DOK4: variants seen among roughly 807,000 people sequenced by gnomAD.
The protein encoded by DOK4 is downstream of tyrosine kinase 4.
Under a neutral mutation model 40.1 loss-of-function variants are expected in DOK4, and 26 were observed. That is an observed-to-expected ratio of 0.65 (90% CI 0.48 to 0.90). DOK4 has a LOEUF of 0.90. Among genes scored for constraint, DOK4 ranks in the 40% least tolerant of loss-of-function variants. The pLI, the probability that DOK4 is intolerant of heterozygous loss-of-function variation, is 0.00. For missense variants in DOK4, 392 were observed against 437.2 expected (o/e 0.90, Z 0.92); for synonymous variants, 179 against 177.0 (o/e 1.01, Z -0.09).
intron 2 of DOK4, among the ~76,000 whole-genome samples, chr16:57,478,098 C>T (rs778971758): frequency 6.6e-6 from 1 of 152,222 alleles, no homozygotes; most frequent in Non-Finnish European, 1.5e-5. Flanking sequence ...ATGTTAGAAG[C>T]GAAGCCTCTG....
At chr16:57,475,736 C>CTT (rs2146634410) in intron 3 of DOK4, 114 bp downstream of exon 3, 1 of 681,588 alleles carries the variant, frequency 1.5e-6, no homozygotes, top group African/African-American at 1.9e-5. Flanking sequence ...CTCTCTCCTC[C>CTT]TCTCCCTCTC....
At chr16:57,474,648 T>G in intron 6 of DOK4, 145 bp downstream of exon 6, 1 of 1,046,308 alleles carries the variant, frequency 9.6e-7, no homozygotes, top group African/African-American at 1.6e-5. Context: ...CATTTCTTCG[T>G]CTGTAAAATG....
chr16:57,475,660 ATCTCTCTCTC>A (rs745508207), intron 3 of DOK4, 40 bp from the exon 4 acceptor site: 1,992 of 475,804 alleles, frequency 4.2e-3, no homozygotes, highest in African/African-American at 0.011. Flanking sequence ...AGGCCAGTGC[ATCTCTCTCTC>A]TCTCTCTCTC....
At chr16:57,476,442 C>G (rs1322445318) in intron 2 of DOK4, 3 of 160,688 alleles carry the variant, frequency 1.9e-5, no homozygotes, top group African/African-American at 7.2e-5. Context: ...CCCTCACAGC[C>G]CACTGCAGGA....
At chr16:57,486,744 C>T (rs1181083645), upstream of DOK4, among the ~76,000 whole-genome samples, 1 of 151,804 alleles carries the variant, frequency 6.6e-6, no homozygotes. Context: ...CCAGCCCCCA[C>T]ATCTCAACCC....
intron 6 of DOK4, 190 bp downstream of exon 6, chr16:57,474,603 T>G: frequency 1.4e-6 from 1 of 725,364 alleles, no homozygotes; most frequent in Non-Finnish European, 2.2e-6. Context: ...TTGACCTGCA[T>G]GCTGTGGGCA....
intron 1 of DOK4, among the ~76,000 whole-genome samples, chr16:57,482,742 C>T (rs2031452042): frequency 6.6e-6 from 1 of 152,182 alleles, no homozygotes; most frequent in Admixed American, 6.5e-5. Context: ...AAGGCTCGGC[C>T]TCCCTGAGTG....
rs73563319 is a variant in DOK4 at position 57,484,595 on chromosome 16, C to T, written c.-182+1710G>A. Among the ~76,000 whole-genome samples, 1,091 of 152,290 alleles carry T rather than the reference C, an allele frequency of 7.2e-3. 11 individuals are homozygous for T. Among genetic ancestry groups the T allele is most frequent in the African/African-American group, 0.024 (1,015 of 41,538 alleles). ...AGCCAGGAGAGTAATGCTGTGGCCC[C>T]GTACCACTCTGGTTCTCCTGGGTCC... On this transcript the variant is annotated intron_variant, in intron 1 of 8. Transcript: ENST00000340099.
rs1306688042 is a variant in DOK4 at position 57,475,689 on chromosome 16, TCTCTCTCC to T, written c.175-77_175-70del. The T allele has an allele frequency of 3.0e-5, 24 of 799,116 alleles. No individual in the cohort carries two copies. The African/African-American group carries it at 5.5e-4, about 18-fold the overall frequency. 49.5% of individuals were successfully genotyped at this position (799,116 alleles called of 1,614,324 possible). On this transcript the variant is annotated intron_variant, in intron 3 of 8. Coordinates refer to ENST00000340099, the Ensembl canonical transcript of DOK4. ...CTCTCTCTCTCTCTCTCTCTCTCTCTCTCTCTCCCTCCCTCCCTCTCTCCCCCCTCCTC... is the reference window on the plus strand; with the variant it reads ...CTCTCTCTCTCTCTCTCTCTCTCTCTCTCCCTCCCTCTCTCCCCCCTCCTC...
At chr16:57,480,705 A>C (rs1229175994) in intron 1 of DOK4, among the ~76,000 whole-genome samples, 1 of 152,146 alleles carries the variant, frequency 6.6e-6, no homozygotes. Context: ...TGGAGCAGGA[A>C]GTGGGAGTAC....
chr16:57,479,609 C>A lies in DOK4; in HGVS notation c.-102G>T. On this transcript the variant is annotated 5_prime_UTR_variant, in exon 2 of 9. Transcript: ENST00000340099. This position sits in a 1 kb window ranked among gnomAD's most constrained non-coding sequence, Gnocchi z 5.8. ...CCTCCAATCACCTGTTCCAGACACTCTGTCGGGGCTGCCGCGAGGGGCTGC... is the reference window on the plus strand; with the variant it reads ...CCTCCAATCACCTGTTCCAGACACTATGTCGGGGCTGCCGCGAGGGGCTGC... 1 of 1,310,690 alleles carries A rather than the reference C, an allele frequency of 7.6e-7. No individual in the cohort carries two copies. The highest frequency in any genetic ancestry group is 1.2e-5 in the South Asian group (1 of 81,916). 81.2% of individuals were successfully genotyped at this position (1,310,690 alleles called of 1,614,324 possible).
At chr16:57,475,588 C>T (rs765238425) in exon 4 of DOK4, 16 of 1,607,792 alleles carry the variant, frequency 1.0e-5, no homozygotes, top group East Asian at 6.7e-5. Flanking sequence ...TGGGGAGCCG[C>T]GTAACACACT....
At chr16:57,473,210 C>T in exon 9 of DOK4, 1 of 1,037,198 alleles carries the variant, frequency 9.6e-7, no homozygotes, top group Non-Finnish European at 1.4e-6. Context: ...GTGGTGTGGC[C>T]AGCCCTTTGC....
chr16:57,477,499 G>C (rs143214354), intron 2 of DOK4, among the ~76,000 whole-genome samples: 4 of 152,238 alleles, frequency 2.6e-5, no homozygotes, highest in Non-Finnish European at 5.9e-5. Context: ...TGGATGAATG[G>C]ATGGATGCTG....
At chr16:57,473,199 G>C in exon 9 of DOK4, 1 of 868,714 alleles carries the variant, frequency 1.2e-6, no homozygotes, top group Non-Finnish European at 1.7e-6. Context: ...CACATGCTCA[G>C]GTGGTGTGGC....
intron 2 of DOK4, among the ~76,000 whole-genome samples, chr16:57,477,369 C>T (rs540002500): frequency 8.7e-4 from 133 of 152,374 alleles, no homozygotes; most frequent in African/African-American, 3.1e-3. Flanking sequence ...TCAGCTGCAG[C>T]GCTCCCTTAA....
rs1159389273 is a variant in DOK4, at chr16:57,485,774, G to A, written c.-182+531C>T. ...GGACAGGACCTTGGGGGCCAATGGA[G>A]AAAGGTTCAAGGACAGGAGGCAGCT... On this transcript the variant is annotated intron_variant, in intron 1 of 8. Transcript: ENST00000340099. This position sits in a 1 kb window ranked among gnomAD's most constrained non-coding sequence, Gnocchi z 4.3. 1.3e-5 allele frequency among the ~76,000 whole-genome samples: 2 copies of A among 152,236 alleles called. No homozygotes were observed. The highest frequency in any genetic ancestry group is 6.5e-5 in the Admixed American group (1 of 15,282).
rs1326820264 is a variant in DOK4 at position 57,479,385 on chromosome 16, C to T, written c.66+57G>A. The T allele has an allele frequency of 1.7e-5, 27 of 1,595,940 alleles. No individual in the cohort carries two copies. Among genetic ancestry groups the T allele is most frequent in the East Asian group, 1.3e-4 (6 of 44,624 alleles). On this transcript the variant is annotated intron_variant, in intron 2 of 8. Coordinates refer to ENST00000340099, the Ensembl canonical transcript of DOK4. The surrounding 1 kb of genome is among the most constrained non-coding windows in gnomAD (Gnocchi z 5.8). ...CGCGCCATGCCTCCAAGCCTGGGACCGAGTCCTCGGGCCCCCATCCCTTGG... is the reference window on the plus strand; with the variant it reads ...CGCGCCATGCCTCCAAGCCTGGGACTGAGTCCTCGGGCCCCCATCCCTTGG...
chr16:57,475,060 C>T (rs753219367), intron 5 of DOK4, 40 bp downstream of exon 5: 1 of 1,577,988 alleles, frequency 6.3e-7, no homozygotes, highest in South Asian at 1.1e-5. Flanking sequence ...CTCTCTTCCT[C>T]CTCCCCCTCC....
Sources: gnomAD v4.1 joint callset for allele counts (sites outside exome capture counted in the v4.1 genomes callset) on GRCh38, gnomAD v4.1.1 for gene constraint, Gnocchi (gnomAD v3.1) non-coding constraint, MANE v1.5 for transcripts, NCBI Gene and HGNC (gene_info 2026-07-23, HGNC 2026-07-21) for gene names.